Variants in STAU1 observed in about 807,000 individuals in gnomAD.
STAU1 encodes staufen double-stranded RNA binding protein 1.
STAU1 carries 13 observed loss-of-function variants against 62.9 expected under a neutral mutation model. That is an observed-to-expected ratio of 0.21 (90% confidence interval 0.13 to 0.33). The LOEUF is 0.33. Among genes scored for constraint, STAU1 ranks in the 10% least tolerant of loss-of-function variants. STAU1 has a pLI of 1.00. For synonymous variants in STAU1, 269 were observed against 265.1 expected (o/e 1.01, Z -0.14); for missense variants, 571 against 712.1 (o/e 0.80, Z 2.25).
chr20:49,200,416 G>A, the STAU1 span, among the ~76,000 whole-genome samples: 1 of 152,122 alleles, frequency 6.6e-6, no homozygotes, highest in Non-Finnish European at 1.5e-5. Flanking sequence ...GGCTAACAGG[G>A]TGAAACACCG....
intron 6 of STAU1, among the ~76,000 whole-genome samples, chr20:49,127,521 C>A (rs2092655845): frequency 6.6e-6 from 1 of 151,684 alleles, no homozygotes; most frequent in Non-Finnish European, 1.5e-5. Context: ...GCTTGGCCAA[C>A]AGGGTGAAAC....
chr20:49,163,647 AACTCCAGACCTCAG>A (rs2093483840), intron 3 of STAU1, among the ~76,000 whole-genome samples: 1 of 152,104 alleles, frequency 6.6e-6, no homozygotes, highest in African/African-American at 2.4e-5. Flanking sequence ...GCTGGTCTCA[AACTCCAGACCTCAG>A]GTGATCCACC....
intron 9 of STAU1, among the ~76,000 whole-genome samples, chr20:49,119,263 C>G (rs2092408617): frequency 6.6e-6 from 1 of 152,166 alleles, no homozygotes; most frequent in Non-Finnish European, 1.5e-5. Flanking sequence ...CAGCTCACTG[C>G]AGCCTTGACC....
intron 13 of STAU1, among the ~76,000 whole-genome samples, chr20:49,115,301 GTTTT>G (rs893795269): frequency 6.6e-6 from 1 of 151,896 alleles, no homozygotes; most frequent in African/African-American, 2.4e-5. Context: ...ACTCAAAAAG[GTTTT>G]TTTGTTTTTT....
In STAU1 at chr20:49,159,159, A is replaced by AC. The variant is rs368798709; in HGVS notation, c.206-5089_206-5088insG. ...GAAGGGGAAAAAGCTAAAAAAAAAA[A>AC]AACACACAAAGTTATTCTCGTGAAC... is the stretch of plus-strand genomic sequence containing the variant. On this transcript the variant is annotated intron_variant, in intron 3 of 13. Coordinates refer to ENST00000371856, the MANE Select transcript of STAU1 (RefSeq NM_017453.4). The AC allele has an allele frequency of 2.2e-3, 2,302 of 1,045,482 alleles. 8 individuals are homozygous for AC. The highest frequency in any genetic ancestry group is 0.017 in the African/African-American group (966 of 58,196). 64.8% of individuals were successfully genotyped at this position (1,045,482 alleles called of 1,614,324 possible).
At chr20:49,130,083 A>C (rs1340969071) in intron 6 of STAU1, among the ~76,000 whole-genome samples, 1 of 128,316 alleles carries the variant, frequency 7.8e-6, no homozygotes, top group Admixed American at 7.6e-5. Context: ...CAAATCTTCA[A>C]CTGGTAAATA....
At chr20:49,165,536 A>G (rs2093512841) in intron 3 of STAU1, among the ~76,000 whole-genome samples, 1 of 149,712 alleles carries the variant, frequency 6.7e-6, no homozygotes, top group African/African-American at 2.5e-5. Flanking sequence ...GGGTTTCACC[A>G]TGTTGGCCAG....
At chr20:49,141,021 G>A (rs1198766291) in intron 5 of STAU1, among the ~76,000 whole-genome samples, 2 of 150,366 alleles carry the variant, frequency 1.3e-5, no homozygotes, top group East Asian at 1.9e-4. Flanking sequence ...TAAGAACTGT[G>A]CCAATGAGAA....
At chr20:49,213,780 A>C in the STAU1 span, among the ~76,000 whole-genome samples, 378 of 152,346 alleles carry the variant, frequency 2.5e-3, 2 homozygotes, top group African/African-American at 8.2e-3. Context: ...TGTCTCTTTC[A>C]AACTCTGTTT....
intron 1 of STAU1, among the ~76,000 whole-genome samples, chr20:49,180,285 A>T (rs1328990251): frequency 3.4e-5 from 5 of 147,442 alleles, no homozygotes; most frequent in East Asian, 2.0e-4. Flanking sequence ...GAAGAAATGA[A>T]TTTTTTTTTT....
At chr20:49,120,951 T>C in intron 8 of STAU1, among the ~76,000 whole-genome samples, 1 of 151,772 alleles carries the variant, frequency 6.6e-6, no homozygotes. Flanking sequence ...TGTGCCACCA[T>C]GCCTGGCTAA....
At chr20:49,163,956 G>A (rs1302189513) in intron 3 of STAU1, among the ~76,000 whole-genome samples, 1 of 151,958 alleles carries the variant, frequency 6.6e-6, no homozygotes, top group Non-Finnish European at 1.5e-5. Flanking sequence ...TCGCAGCCTG[G>A]CACAATGACT....
the STAU1 span, among the ~76,000 whole-genome samples, chr20:49,218,712 ATT>A: frequency 7.9e-5 from 12 of 151,488 alleles, no homozygotes; most frequent in African/African-American, 2.9e-4. Context: ...TTCTTCTGAG[ATT>A]TTTTTTCCCC....
At chr20:49,199,174 T>C in the STAU1 span, among the ~76,000 whole-genome samples, 3 of 151,064 alleles carry the variant, frequency 2.0e-5, no homozygotes, top group African/African-American at 7.3e-5. Flanking sequence ...CAACACCAAA[T>C]AGGAGAATGT....
chr20:49,135,685 C>T (rs530345961), intron 6 of STAU1, 148 bp downstream of exon 6: 1 of 664,734 alleles, frequency 1.5e-6, no homozygotes, highest in South Asian at 2.0e-5. Context: ...ATAAACACTG[C>T]TTCACTAAAT....
upstream of STAU1, among the ~76,000 whole-genome samples, chr20:49,188,941 C>T (rs1351700143): frequency 6.6e-6 from 1 of 152,062 alleles, no homozygotes; most frequent in Non-Finnish European, 1.5e-5. Context: ...TGGCTCAGGC[C>T]TCTAATCCCG....
the STAU1 span, among the ~76,000 whole-genome samples, chr20:49,195,535 C>CAAAAAAAAAAAAAAAAAA: frequency 4.2e-4 from 16 of 38,144 alleles, no homozygotes; most frequent in Admixed American, 9.3e-4. Context: ...GACTCCGTCT[C>CAAAAAAAAAAAAAAAAAA]AAAAAAAAAA....
At chr20:49,150,246 C>T (rs1462533512) in intron 5 of STAU1, among the ~76,000 whole-genome samples, 1 of 152,168 alleles carries the variant, frequency 6.6e-6, no homozygotes, top group Non-Finnish European at 1.5e-5. Context: ...AACATGGCCC[C>T]TAATTCTTTG....
In STAU1 at chr20:49,175,467, G is replaced by A. The variant is rs78563025; in HGVS notation, c.-159-1198C>T. On this transcript the variant is annotated intron_variant, in intron 1 of 13. Transcript: ENST00000371856. ...GAGAGTAATATGAATATCTCATAAT[G>A]TTTAGGCTTTGTTTGTTCAGGTTTT... Among the ~76,000 whole-genome samples the A allele has an allele frequency of 1.6e-3, 251 of 152,154 alleles. 3 individuals are homozygous for A. The East Asian group carries it at 0.042, about 25-fold the overall frequency.
Sources: gnomAD v4.1 joint callset for allele counts (sites outside exome capture counted in the v4.1 genomes callset) on GRCh38, gnomAD v4.1.1 for gene constraint, MANE v1.5 for transcripts, NCBI Gene and HGNC (gene_info 2026-07-23, HGNC 2026-07-21) for gene names.